The following NCOR1 variants were observed in gnomAD, a reference collection of about 807,000 sequenced individuals.
NCOR1 encodes the protein nuclear receptor corepressor 1, also known as protein phosphatase 1, regulatory subunit 109.
Under a neutral mutation model 288.1 loss-of-function variants are expected in NCOR1, and 63 were observed. That is an observed-to-expected ratio of 0.22 (90% CI 0.18 to 0.27). The LOEUF (loss-of-function observed/expected upper bound fraction) is 0.27, where lower values mean the gene tolerates loss of function less well. Among genes scored for constraint, NCOR1 ranks in the 10% least tolerant of loss-of-function variants. The probability of loss-of-function intolerance (pLI) is 1.00; values close to 1 mark genes in which losing one functional copy is unlikely to be tolerated. For synonymous variants in NCOR1, 1,007 were observed against 1,065.9 expected (o/e 0.94, Z 1.08); for missense variants, 2,397 against 3,019.2 (o/e 0.79, Z 4.83).
At chr17:16,040,208 T>C (rs374639868) in intron 43 of NCOR1, 1 of 629,466 alleles carries the variant, frequency 1.6e-6, no homozygotes, top group Non-Finnish European at 2.9e-6. Context: ...GTTTTGACAG[T>C]GTTCTTTAAT....
chr17:16,154,474 G>C (rs1410042292), intron 6 of NCOR1, among the ~76,000 whole-genome samples: 1 of 152,136 alleles, frequency 6.6e-6, no homozygotes, highest in Non-Finnish European at 1.5e-5. Context: ...AGTCTTCCTA[G>C]AGAAAATGAT....
In NCOR1 at chr17:16,189,411, T is replaced by A. The variant is rs541968156; in HGVS notation, c.109-2724A>T. Reference sequence around the variant, plus strand: ...TCTGTCTCAAAAAATAAAAAAAAAATTTATTAAAGAATCAAAGAAACTAAA... The same window carrying A: ...TCTGTCTCAAAAAATAAAAAAAAAAATTATTAAAGAATCAAAGAAACTAAA... On this transcript the variant is annotated intron_variant, in intron 2 of 45. Transcript: ENST00000268712. Among the ~76,000 whole-genome samples, 12 of 151,818 alleles carry A rather than the reference T, an allele frequency of 7.9e-5. No individual in the cohort carries two copies. In the South Asian group the frequency reaches 1.0e-3, roughly 13 times the overall value.
At chr17:16,100,945 A>G (rs7207463) in intron 20 of NCOR1, among the ~76,000 whole-genome samples, 80,697 of 152,050 alleles carry the variant, frequency 0.53, 21,819 homozygotes, top group Middle Eastern at 0.61. Flanking sequence ...TGCCCTCCTC[A>G]GGCACAACAG....
chr17:16,032,461 GT>G lies in NCOR1; in HGVS notation c.7157del (p.Asn2386ThrfsTer3). ...TGCTGAGCATCCGCATAGTCAGAGG[GT>G]TATAAGGAAACTGAGTTGAGCCTGA... The part of the protein sequence containing the change: ...SSTGSTQFPY[N>X]PLTMRMLSST... On this transcript the variant is annotated frameshift_variant, in exon 46 of 46. Coordinates refer to ENST00000268712, the MANE Select transcript of NCOR1 (RefSeq NM_006311.4). LOFTEE classifies it high-confidence loss of function. 6.3e-7 allele frequency: 1 copy of G among 1,596,054 alleles called. No individual in the cohort carries two copies. Among genetic ancestry groups the G allele is most frequent in the Non-Finnish European group, 8.5e-7 (1 of 1,172,984 alleles).
chr17:16,081,314 G>C (rs1227056044), intron 23 of NCOR1, among the ~76,000 whole-genome samples: 2 of 144,624 alleles, frequency 1.4e-5, no homozygotes, highest in African/African-American at 2.6e-5. Flanking sequence ...CTCAAGCAAT[G>C]TAAGAATCGA....
At chr17:16,071,285 G>T in intron 30 of NCOR1, 124 bp downstream of exon 30, 1 of 1,379,122 alleles carries the variant, frequency 7.3e-7, no homozygotes, top group Non-Finnish European at 9.8e-7. Flanking sequence ...AAAGGTACAG[G>T]AAACTTTCAT....
intron 6 of NCOR1, among the ~76,000 whole-genome samples, chr17:16,158,081 C>T (rs1230508788): frequency 6.6e-6 from 1 of 151,986 alleles, no homozygotes; most frequent in Non-Finnish European, 1.5e-5. Flanking sequence ...TCAACCGATT[C>T]TCCTGCCTCA....
At chr17:16,191,406 C>G (rs1429924714) in intron 2 of NCOR1, among the ~76,000 whole-genome samples, 1 of 152,156 alleles carries the variant, frequency 6.6e-6, no homozygotes, top group Admixed American at 6.5e-5. Context: ...CTTCATCTCT[C>G]TTTACAGGAA....
At chr17:16,127,600 TACATAC>T (rs2153218504) in intron 14 of NCOR1, among the ~76,000 whole-genome samples, 1 of 141,500 alleles carries the variant, frequency 7.1e-6, no homozygotes, top group African/African-American at 2.8e-5. Flanking sequence ...TATGTATGTA[TACATAC>T]ATATGTGTAT....
chr17:16,039,212 G>A, intron 44 of NCOR1: 1 of 548,216 alleles, frequency 1.8e-6, no homozygotes, highest in Non-Finnish European at 3.3e-6. Flanking sequence ...ATCCCAGGAG[G>A]GTGACACTTT....
At chr17:16,088,814 G>A (rs185347742) in intron 22 of NCOR1, among the ~76,000 whole-genome samples, 23 of 151,956 alleles carry the variant, frequency 1.5e-4, no homozygotes, top group African/African-American at 2.9e-4. Context: ...GTATAATTCC[G>A]GACCGTTAGC....
intron 2 of NCOR1, among the ~76,000 whole-genome samples, chr17:16,192,652 T>C (rs147651980): frequency 0.016 from 2,466 of 151,926 alleles, 61 homozygotes; most frequent in African/African-American, 0.056. Context: ...CAAAACTCCA[T>C]CTCAAAAAAA....
At chr17:16,104,114 A>T (rs776359643) in intron 19 of NCOR1, among the ~76,000 whole-genome samples, 15 of 152,190 alleles carry the variant, frequency 9.9e-5, no homozygotes, top group Non-Finnish European at 1.8e-4. Flanking sequence ...TATTTACTAG[A>T]ATGATTTCTG....
intron 45 of NCOR1, among the ~76,000 whole-genome samples, chr17:16,033,559 C>T (rs1972977461): frequency 6.6e-6 from 1 of 152,152 alleles, no homozygotes; most frequent in Non-Finnish European, 1.5e-5. Context: ...GGGAAGGGCA[C>T]ATTTCAGATT....
rs1161379797 is a variant in NCOR1, at chr17:16,092,684, TATATATATATA to T, written c.2821-637_2821-627del. 9.6e-3 allele frequency among the ~76,000 whole-genome samples: 174 copies of T among 18,140 alleles called. 3 individuals carry two copies. Among genetic ancestry groups the T allele is most frequent in the East Asian group, 0.036 (11 of 304 alleles). 11.9% of individuals were successfully genotyped at this position (18,140 alleles called of 152,430 possible). Reference sequence around the variant, plus strand: ...ATATATATATATATATATATATATATATATATATATATTTTTTTTTTTTTTTTTTTTTAAGA... The same window carrying T: ...ATATATATATATATATATATATATATTTTTTTTTTTTTTTTTTTTTTAAGA... On this transcript the variant is annotated intron_variant, in intron 21 of 45. Coordinates refer to ENST00000268712, the MANE Select transcript of NCOR1 (RefSeq NM_006311.4).
intron 14 of NCOR1, among the ~76,000 whole-genome samples, chr17:16,131,564 A>G (rs1294272770): frequency 6.6e-6 from 1 of 152,238 alleles, no homozygotes; most frequent in African/African-American, 2.4e-5. Context: ...ACTAAATTTA[A>G]TAACAAGCAG....
intron 14 of NCOR1, among the ~76,000 whole-genome samples, chr17:16,127,535 C>CACATGTGTATATA (rs1280809721): frequency 7.1e-5 from 9 of 126,362 alleles, no homozygotes; most frequent in African/African-American, 3.6e-4. Flanking sequence ...GTGTATATAT[C>CACATGTGTATATA]TGCATGTATA....
intron 2 of NCOR1, among the ~76,000 whole-genome samples, chr17:16,192,945 T>C (rs959814676): frequency 6.6e-6 from 1 of 152,112 alleles, no homozygotes; most frequent in Non-Finnish European, 1.5e-5. Context: ...GACAGAATAG[T>C]TCCCATGAAG....
At chr17:16,187,985 G>C (rs57669735) in intron 2 of NCOR1, among the ~76,000 whole-genome samples, 1 of 152,022 alleles carries the variant, frequency 6.6e-6, no homozygotes, top group Non-Finnish European at 1.5e-5. Flanking sequence ...AAAAGATGGG[G>C]AGAAGAGGAG....
Sources: gnomAD v4.1 joint callset for allele counts (sites outside exome capture counted in the v4.1 genomes callset) on GRCh38, gnomAD v4.1.1 for gene constraint, MANE v1.5 for transcripts, NCBI Gene and HGNC (gene_info 2026-07-23, HGNC 2026-07-21) for gene names.